FAM186B: variants seen among roughly 807,000 people sequenced by gnomAD.
FAM186B encodes family with sequence similarity 186 member B.
Under a neutral mutation model 83.4 loss-of-function variants are expected in FAM186B, and 68 were observed. The observed-to-expected ratio is 0.81, with a 90% CI of 0.67 to 1.00. FAM186B has a LOEUF of 1.00. Ranked by LOEUF, FAM186B falls within the 50% of genes least tolerant of loss-of-function variation. The pLI is 0.00. For missense variants in FAM186B, 983 were observed against 1,099.2 expected (o/e 0.89, Z 1.49); for synonymous variants, 389 against 422.0 (o/e 0.92, Z 0.96).
chr12:49,585,051 G>A (rs1329512709), downstream of FAM186B, among the ~76,000 whole-genome samples: 3 of 151,908 alleles, frequency 2.0e-5, no homozygotes, highest in Non-Finnish European at 2.9e-5. Context: ...ATGGAGTCTC[G>A]CTGTGTCCCC....
chr12:49,582,980 A>G, downstream of FAM186B: 1 of 451,308 alleles, frequency 2.2e-6, no homozygotes, highest in South Asian at 1.6e-5. Flanking sequence ...ATTGTTACCA[A>G]AGCAGGAGAA....
intron 5 of FAM186B, among the ~76,000 whole-genome samples, chr12:49,596,203 T>C (rs1305092524): frequency 6.6e-6 from 1 of 152,068 alleles, no homozygotes; most frequent in Admixed American, 6.5e-5. Flanking sequence ...GTCTGTACAT[T>C]TCTTTTTTTT....
chr12:49,599,483 G>A lies in FAM186B; in HGVS notation c.2157C>T (p.Arg719=). The A allele has an allele frequency of 6.5e-7, 1 of 1,535,810 alleles. No homozygotes were observed. The highest frequency in any genetic ancestry group is 8.7e-7 in the Non-Finnish European group (1 of 1,144,396). ...YLCHKYIFYR[R]LQSLRQEAIN... ...GGAGGACCTACCGGAGGCTCTGGAG[G>A]CGTCTATAGAAGATGTACTTATGGC... Residue 719 remains arginine, a synonymous_variant, in exon 4 of 7, where the codon CGC becomes CGT. Coordinates refer to ENST00000257894, the MANE Select transcript of FAM186B (RefSeq NM_032130.3).
intron 5 of FAM186B, among the ~76,000 whole-genome samples, chr12:49,596,291 C>CT (rs914744258): frequency 2.2e-5 from 3 of 137,230 alleles, no homozygotes; most frequent in African/African-American, 8.6e-5. Context: ...GAGTTCAAGA[C>CT]TAGCCTCGGC....
chr12:49,602,090 T>C (rs140333438), intron 3 of FAM186B, among the ~76,000 whole-genome samples: 1 of 152,254 alleles, frequency 6.6e-6, no homozygotes, highest in East Asian at 1.9e-4. Context: ...TTTCCCAATG[T>C]GAAAAATGGG....
Position 49,598,744 on chromosome 12 carries a change from G to T in FAM186B, c.2364+11C>A. The T allele has an allele frequency of 6.3e-7, 1 of 1,581,530 alleles. No homozygotes were observed. Among genetic ancestry groups the T allele is most frequent in the Non-Finnish European group, 8.6e-7 (1 of 1,167,078 alleles). ...GGCGGAGTGGCGGGGGGGTCAGGGC[G>T]GGAGGCCCACCTTGGGGAACATGGT... On this transcript the variant is annotated intron_variant, in intron 5 of 6. Coordinates refer to ENST00000257894, the MANE Select transcript of FAM186B (RefSeq NM_032130.3).
rs1939478949 is a variant in FAM186B at position 49,587,696 on chromosome 12, T to C, written c.2591A>G (p.Tyr864Cys). The C allele has an allele frequency of 6.2e-7, 1 of 1,613,938 alleles. No homozygotes were observed. Among genetic ancestry groups the C allele is most frequent in the Non-Finnish European group, 8.5e-7 (1 of 1,180,014 alleles). ...VWKTEVASSS[Y>C]AIEKKTPASL... ...GGCAGGGGTCTTTTTTTCTATTGCGTAACTGGAGGAGGCCACCTCGGTCTT... is the reference window on the plus strand; with the variant it reads ...GGCAGGGGTCTTTTTTTCTATTGCGCAACTGGAGGAGGCCACCTCGGTCTT... Residue 864 changes from tyrosine to cysteine, a missense_variant, in exon 7 of 7, where the codon TAC (tyrosine) becomes TGC (cysteine). Physicochemically the swap from Tyr to Cys is radical, Grantham distance 194 (BLOSUM62 -2). Coordinates refer to ENST00000257894, the MANE Select transcript of FAM186B (RefSeq NM_032130.3).
chr12:49,605,471 T>C lies in FAM186B; in HGVS notation c.7A>G (p.Lys3Glu). The stretch of plus-strand genomic sequence containing the variant: ...GTCACCAACTGTGGGGGGTCATCCT[T>C]CTCCATTTTGGATCACTCTGTCAGT... ME[K>E]DDPPQLVTPT... is the part of the protein sequence containing the mutation. Residue 3 changes from lysine to glutamate, a missense_variant, in exon 1 of 7, where the codon AAG becomes GAG. Transcript: ENST00000257894. 6.2e-7 allele frequency: 1 copy of C among 1,613,248 alleles called. No homozygotes were observed. The highest frequency in any genetic ancestry group is 2.2e-5 in the East Asian group (1 of 44,872).
At chr12:49,607,405 G>A (rs925330100), upstream of FAM186B, among the ~76,000 whole-genome samples, 2 of 151,990 alleles carry the variant, frequency 1.3e-5, no homozygotes, top group African/African-American at 4.8e-5. Context: ...AAACCTTTAT[G>A]CCAATAAAGT....
At chr12:49,592,482 A>G (rs1237168319) in intron 5 of FAM186B, among the ~76,000 whole-genome samples, 1 of 150,764 alleles carries the variant, frequency 6.6e-6, no homozygotes, top group South Asian at 2.1e-4. Context: ...AAAAAATAAT[A>G]ATAATAAAAT....
At chr12:49,585,091 T>C (rs1003743415), downstream of FAM186B, among the ~76,000 whole-genome samples, 5 of 152,206 alleles carry the variant, frequency 3.3e-5, no homozygotes, top group African/African-American at 1.2e-4. Context: ...CAATCTTGGC[T>C]CACTGCAAGC....
chr12:49,594,534 T>C (rs942554612), intron 5 of FAM186B, among the ~76,000 whole-genome samples: 6 of 152,162 alleles, frequency 3.9e-5, no homozygotes, highest in Admixed American at 3.3e-4. Flanking sequence ...TTTAACAATA[T>C]ACTATAATAA....
chr12:49,600,174 C>T lies in FAM186B; in HGVS notation c.1466G>A (p.Arg489Gln), dbSNP rs138755693. Reference protein sequence around the residue: ...PWEEEFGREMRRQLWLEEEEM... With the variant: ...PWEEEFGREMQRQLWLEEEEM... ...CTCCTCCTCCAGCCACAGCTGCCTC[C>T]GCATCTCCCGGCCGAATTCCTCCTC... The change falls in exon 4 of 7, where the codon CGG becomes CAG. Residue 489 changes from arginine to glutamine, a missense_variant. Transcript: ENST00000257894. The surrounding 1 kb of genome is among the most constrained non-coding windows in gnomAD (Gnocchi z 4.3). 44 of 1,613,518 alleles carry T rather than the reference C, an allele frequency of 2.7e-5. No individual in the cohort carries two copies. The highest frequency in any genetic ancestry group is 6.7e-5 in the East Asian group (3 of 44,894).
chr12:49,613,017 G>A, the FAM186B span, among the ~76,000 whole-genome samples: 5 of 152,052 alleles, frequency 3.3e-5, no homozygotes, highest in African/African-American at 4.8e-5. Flanking sequence ...CAAAAAAATC[G>A]AAATCATGCC....
the FAM186B span, among the ~76,000 whole-genome samples, chr12:49,610,931 A>G: frequency 6.6e-6 from 1 of 152,082 alleles, no homozygotes; most frequent in Admixed American, 6.6e-5. Flanking sequence ...ACAAATATAT[A>G]AAAAAGGTAA....
chr12:49,616,034 T>G, the FAM186B span, among the ~76,000 whole-genome samples: 5 of 136,116 alleles, frequency 3.7e-5, no homozygotes, highest in Admixed American at 2.2e-4. Flanking sequence ...AGTTTGGCAG[T>G]TTTTTTTTTT....
At chr12:49,611,590 G>A in the FAM186B span, among the ~76,000 whole-genome samples, 1 of 137,650 alleles carries the variant, frequency 7.3e-6, no homozygotes, top group African/African-American at 2.8e-5. Context: ...GCCGGGCGCA[G>A]TGGCTCACAC....
intron 2 of FAM186B, 188 bp downstream of exon 2, chr12:49,604,125 C>G (rs909434390): frequency 1.2e-5 from 7 of 578,216 alleles, no homozygotes; most frequent in Non-Finnish European, 2.2e-5. Context: ...ATCATATATT[C>G]AGCTAATGTC....
At chr12:49,597,479 T>TG (rs1256109636) in intron 5 of FAM186B, among the ~76,000 whole-genome samples, 1 of 151,212 alleles carries the variant, frequency 6.6e-6, no homozygotes, top group Non-Finnish European at 1.5e-5. Flanking sequence ...TGGGAGGAAA[T>TG]GGGGTGACAT....
Sources: gnomAD v4.1 joint callset for allele counts (sites outside exome capture counted in the v4.1 genomes callset) on GRCh38, gnomAD v4.1.1 for gene constraint, Gnocchi (gnomAD v3.1) non-coding constraint, MANE v1.5 for transcripts, NCBI Gene and HGNC (gene_info 2026-07-23, HGNC 2026-07-21) for gene names.